SCML4: variants seen among roughly 807,000 people sequenced by gnomAD.
The protein encoded by SCML4 is Scm polycomb group protein like 4, also known as sex comb on midleg-like protein 4.
In SCML4, 34 loss-of-function variants were observed where a neutral mutation model predicts 41.1. The observed-to-expected ratio is 0.83, with a 90% confidence interval of 0.63 to 1.10. The LOEUF (loss-of-function observed/expected upper bound fraction) is 1.10. SCML4 is among the 50% of genes least tolerant of loss of function. The probability of loss-of-function intolerance (pLI) is 0.00; values close to 1 mark genes in which losing one functional copy is unlikely to be tolerated. For missense variants in SCML4, 522 were observed against 534.1 expected (o/e 0.98, Z 0.22); for synonymous variants, 214 against 220.9 (o/e 0.97, Z 0.28).
At chr6:107,735,737 T>C (rs1285631537) in intron 5 of SCML4, among the ~76,000 whole-genome samples, 3 of 151,482 alleles carry the variant, frequency 2.0e-5, no homozygotes, top group Non-Finnish European at 4.4e-5. Context: ...AGGTGGAGGT[T>C]GCTGTGAGCC....
At chr6:107,780,766 T>C (rs1781421573) in intron 1 of SCML4, among the ~76,000 whole-genome samples, 1 of 151,490 alleles carries the variant, frequency 6.6e-6, no homozygotes, top group African/African-American at 2.4e-5. Flanking sequence ...CAGAGATGAC[T>C]GATTTCATAT....
intron 3 of SCML4, among the ~76,000 whole-genome samples, chr6:107,747,482 G>T (rs1778243359): frequency 6.6e-6 from 1 of 151,846 alleles, no homozygotes. Context: ...TAAAAAATTG[G>T]GGGGGCACCT....
chr6:107,801,782 CT>C (rs375611997), intron 1 of SCML4, among the ~76,000 whole-genome samples: 6,735 of 147,288 alleles, frequency 0.046, 210 homozygotes, highest in Middle Eastern at 0.098. Context: ...TTATTCATTT[CT>C]TTTTTTTTTT....
chr6:107,767,419 T>C (rs191466878), intron 2 of SCML4, among the ~76,000 whole-genome samples: 1 of 152,324 alleles, frequency 6.6e-6, no homozygotes, highest in East Asian at 1.9e-4. Flanking sequence ...CTACTTAAGT[T>C]TGAATACTCA....
At position 107,781,063 on chromosome 6, in the gene SCML4, G is replaced by A. The variant is rs143921351; in HGVS notation, c.-59-8677C>T. On this transcript the variant is annotated intron_variant, in intron 1 of 7. Coordinates refer to ENST00000369020, the MANE Select transcript of SCML4 (RefSeq NM_198081.5). ...TGAATAGAATAAAAGTGATTTAGGC[G>A]ATTTTAGTAAGTATAGGAGAGCTTA... Among the ~76,000 whole-genome samples, 258 of 152,154 alleles carry A rather than the reference G, an allele frequency of 1.7e-3. 2 individuals carry two copies. Among genetic ancestry groups the A allele is most frequent in the African/African-American group, 6.0e-3 (248 of 41,522 alleles).
intron 2 of SCML4, among the ~76,000 whole-genome samples, chr6:107,769,593 C>A (rs1780351490): frequency 6.6e-6 from 1 of 152,028 alleles, no homozygotes; most frequent in African/African-American, 2.4e-5. Context: ...AAGAGCCTGC[C>A]AAAGGCTCAG....
chr6:107,789,915 T>C (rs959063553), intron 1 of SCML4, among the ~76,000 whole-genome samples: 1 of 152,318 alleles, frequency 6.6e-6, no homozygotes, highest in East Asian at 1.9e-4. Context: ...ATATATTATT[T>C]TATTAAATTC....
At chr6:107,839,470 CAGG>C in the SCML4 span, among the ~76,000 whole-genome samples, 1 of 151,956 alleles carries the variant, frequency 6.6e-6, no homozygotes, top group Non-Finnish European at 1.5e-5. Context: ...AAGAAATTTA[CAGG>C]CAAATATCAG....
intron 5 of SCML4, among the ~76,000 whole-genome samples, chr6:107,731,744 T>C (rs111613739): frequency 9.2e-5 from 14 of 152,366 alleles, no homozygotes; most frequent in African/African-American, 3.4e-4. Context: ...CAGAGATTCC[T>C]AGCCCTGAAA....
chr6:107,725,439 A>T (rs1452636691), intron 5 of SCML4, among the ~76,000 whole-genome samples: 3 of 152,240 alleles, frequency 2.0e-5, no homozygotes, highest in Non-Finnish European at 4.4e-5. Context: ...ATGAAATATA[A>T]TTCAGAATCC....
At chr6:107,723,477 C>T (rs1024135154) in intron 5 of SCML4, among the ~76,000 whole-genome samples, 1 of 152,050 alleles carries the variant, frequency 6.6e-6, no homozygotes, top group African/African-American at 2.4e-5. Flanking sequence ...TTTCACACCA[C>T]CATAAAGTGA....
At chr6:107,810,673 C>T (rs1191944780) in intron 1 of SCML4, among the ~76,000 whole-genome samples, 4 of 152,006 alleles carry the variant, frequency 2.6e-5, no homozygotes, top group Non-Finnish European at 5.9e-5. Context: ...TACCATTGAT[C>T]GCTTATAGGG....
At chr6:107,772,088 A>T in intron 2 of SCML4, 84 bp downstream of exon 2, 17 of 1,213,760 alleles carry the variant, frequency 1.4e-5, no homozygotes, top group Non-Finnish European at 1.8e-5. Flanking sequence ...CCCAACCTCT[A>T]GTGGCATTTT....
At chr6:107,816,049 A>G (rs1349608192) in intron 1 of SCML4, among the ~76,000 whole-genome samples, 2 of 152,320 alleles carry the variant, frequency 1.3e-5, no homozygotes, top group East Asian at 3.9e-4. Context: ...CACAGGTGAA[A>G]AGACACGGAC....
chr6:107,823,012 T>TG (rs1389286216), intron 1 of SCML4, among the ~76,000 whole-genome samples: 1 of 12,032 alleles, frequency 8.3e-5, no homozygotes, highest in Non-Finnish European at 3.9e-4. Context: ...TCTATTTTGC[T>TG]TTAAAAAAAA....
intron 5 of SCML4, among the ~76,000 whole-genome samples, chr6:107,728,259 C>T (rs1249826199): frequency 2.0e-5 from 3 of 152,136 alleles, no homozygotes; most frequent in Admixed American, 6.5e-5. Context: ...CAGATCATTC[C>T]CTTATCGCAA....
chr6:107,739,615 C>T (rs1777397489), intron 5 of SCML4, among the ~76,000 whole-genome samples: 1 of 152,068 alleles, frequency 6.6e-6, no homozygotes, highest in Non-Finnish European at 1.5e-5. Context: ...TGTTCGGGAA[C>T]AATGTGGTCC....
chr6:107,815,330 A>G (rs538596568), intron 1 of SCML4, among the ~76,000 whole-genome samples: 5 of 152,370 alleles, frequency 3.3e-5, no homozygotes, highest in African/African-American at 1.2e-4. Context: ...GTCCCACACA[A>G]TGAAAGCATT....
At chr6:107,723,036 CA>C (rs1775589168) in intron 5 of SCML4, among the ~76,000 whole-genome samples, 1 of 150,518 alleles carries the variant, frequency 6.6e-6, no homozygotes, top group African/African-American at 2.4e-5. Context: ...GCTACATTGA[CA>C]AAAAAATAAA....
Sources: allele counts gnomAD v4.1 joint callset (sites outside exome capture counted in the v4.1 genomes callset), GRCh38; gene constraint gnomAD v4.1.1; transcripts MANE v1.5; gene names NCBI Gene and HGNC (gene_info 2026-07-23, HGNC 2026-07-21).